KIF5C: variants seen among roughly 807,000 people sequenced by gnomAD.
KIF5C encodes kinesin family member 5C.
In KIF5C, 18 loss-of-function variants were observed where a neutral mutation model predicts 125.2. The ratio of observed to expected loss-of-function variants is 0.14; its 90% CI spans 0.10 to 0.21. The LOEUF is 0.21. KIF5C is among the 10% of genes least tolerant of loss of function. The pLI is 1.00. For synonymous variants in KIF5C, 405 were observed against 434.0 expected (o/e 0.93, Z 0.83); for missense variants, 780 against 1,183.8 (o/e 0.66, Z 5.01).
At chr2:148,967,213 G>A (rs950768738) in intron 11 of KIF5C, among the ~76,000 whole-genome samples, 1 of 152,212 alleles carries the variant, frequency 6.6e-6, no homozygotes, top group African/African-American at 2.4e-5. Context: ...GTTCCCCAGG[G>A]TGCTAGTTAG....
At chr2:148,950,177 GC>G (rs778298275) in intron 9 of KIF5C, 136 bp from the exon 10 acceptor site, 1 of 1,422,096 alleles carries the variant, frequency 7.0e-7, no homozygotes, top group Non-Finnish European at 9.3e-7. Flanking sequence ...CTAAACTTTG[GC>G]AAGATCCAAA....
rs73966640 is a variant in KIF5C, at chr2:148,909,386, C to G, written c.127-12751C>G. The stretch of plus-strand genomic sequence containing the variant: ...GCCATCCTCCTTGACCCGCATATCA[C>G]AACACTCAGAGGAGTCATCTTTGTT... On this transcript the variant is annotated intron_variant, in intron 1 of 25. Coordinates refer to ENST00000435030, the MANE Select transcript of KIF5C (RefSeq NM_004522.3). Among the ~76,000 whole-genome samples the G allele has an allele frequency of 6.1e-3, 927 of 152,328 alleles. 3 individuals carry two copies. The highest frequency in any genetic ancestry group is 0.021 in the African/African-American group (881 of 41,570).
chr2:148,950,262 G>A lies in KIF5C; in HGVS notation c.820-52G>A, dbSNP rs1452384192. ...TCATCCCTGACTTGCTTGCCTCTGTGTTTTTCTCAGAATGGGCTGTCAAAA... is the reference window on the plus strand; with the variant it reads ...TCATCCCTGACTTGCTTGCCTCTGTATTTTTCTCAGAATGGGCTGTCAAAA... On this transcript the variant is annotated intron_variant, in intron 9 of 25. Coordinates refer to ENST00000435030, the MANE Select transcript of KIF5C (RefSeq NM_004522.3). The A allele has an allele frequency of 2.5e-6, 4 of 1,587,930 alleles. No individual in the cohort carries two copies. In the African/African-American group the frequency reaches 5.4e-5, roughly 21 times the overall value.
chr2:148,875,945 G>T (rs1009549757), intron 1 of KIF5C, among the ~76,000 whole-genome samples: 2 of 151,746 alleles, frequency 1.3e-5, no homozygotes, highest in Non-Finnish European at 3.0e-5. Flanking sequence ...CGGGAGCGGC[G>T]GGCCGGGCGG....
intron 1 of KIF5C, among the ~76,000 whole-genome samples, chr2:148,890,330 C>T (rs1048253525): frequency 6.6e-6 from 1 of 152,120 alleles, no homozygotes; most frequent in African/African-American, 2.4e-5. Flanking sequence ...AAGACCCTGC[C>T]TCTACAGAAT....
chr2:149,022,596 C>G (rs934039382), intron 25 of KIF5C, among the ~76,000 whole-genome samples: 1 of 152,082 alleles, frequency 6.6e-6, no homozygotes. Context: ...TTTCTTTTCA[C>G]TTTTTAATGT....
intron 10 of KIF5C, 34 bp downstream of exon 10, chr2:148,950,496 C>T (rs767415945): frequency 1.3e-5 from 21 of 1,600,880 alleles, no homozygotes; most frequent in Admixed American, 1.7e-5. Flanking sequence ...ATCCTCTGTG[C>T]TAGGTCTTGG....
At chr2:148,997,464 G>T in intron 18 of KIF5C, 124 bp downstream of exon 18, 1 of 1,516,948 alleles carries the variant, frequency 6.6e-7, no homozygotes, top group Admixed American at 2.0e-5. Context: ...GGGAGGGGCT[G>T]TTGTTGGGCA....
At chr2:148,947,399 C>T (rs571556042) in intron 8 of KIF5C, 13 of 196,928 alleles carry the variant, frequency 6.6e-5, no homozygotes, top group African/African-American at 1.2e-4. Flanking sequence ...AGGCCAGGAA[C>T]GAGCTTTGCC....
At chr2:148,930,154 A>G (rs1469671108) in intron 3 of KIF5C, among the ~76,000 whole-genome samples, 1 of 152,128 alleles carries the variant, frequency 6.6e-6, no homozygotes, top group African/African-American at 2.4e-5. Flanking sequence ...CACTGGGGTG[A>G]AGACGAACTT....
At chr2:149,005,034 T>TA (rs139232257) in intron 21 of KIF5C, among the ~76,000 whole-genome samples, 113 of 151,902 alleles carry the variant, frequency 7.4e-4, no homozygotes, top group Middle Eastern at 3.4e-3. Flanking sequence ...ATTTACATAA[T>TA]AAAAAAAAGA....
chr2:149,009,990 C>T, intron 23 of KIF5C, 145 bp from the exon 24 acceptor site: 1 of 1,341,308 alleles, frequency 7.5e-7, no homozygotes, highest in Non-Finnish European at 9.9e-7. Context: ...TCTGAGTTTT[C>T]CTTTCCTTTC....
In KIF5C at chr2:149,011,675, A is replaced by G. The variant is rs1196462022; in HGVS notation, c.2873A>G (p.Ter958=). 1.9e-6 allele frequency: 3 copies of G among 1,613,952 alleles called. No individual in the cohort carries two copies. The highest frequency in any genetic ancestry group is 2.2e-5 in the East Asian group (1 of 44,900). ...TCAAATTCCACTCACTACCAGAAAT[A>G]AATACAAAGTGAGTCCCATGTCAAG... is the stretch of plus-strand genomic sequence containing the variant. ...SSSNSTHYQK[*] The change falls in exon 25 of 26, where the codon TAA becomes TGA. Residue 958 remains the stop codon, a stop_retained_variant. Transcript: ENST00000435030.
At chr2:148,981,634 C>T in intron 14 of KIF5C, 73 bp downstream of exon 14, 1 of 1,489,190 alleles carries the variant, frequency 6.7e-7, no homozygotes, top group Non-Finnish European at 9.0e-7. Flanking sequence ...TATTCATTGA[C>T]AGACATGGTA....
chr2:148,942,108 C>A, intron 6 of KIF5C, 118 bp downstream of exon 6: 1 of 1,132,188 alleles, frequency 8.8e-7, no homozygotes, highest in Non-Finnish European at 1.2e-6. Context: ...TTTATTCAGG[C>A]TCCTTATATT....
At chr2:149,007,384 A>G (rs866075549) in intron 22 of KIF5C, among the ~76,000 whole-genome samples, 1 of 152,242 alleles carries the variant, frequency 6.6e-6, no homozygotes, top group Admixed American at 6.5e-5. Flanking sequence ...TGTTTTGCCA[A>G]TTTCAAGATC....
intron 10 of KIF5C, among the ~76,000 whole-genome samples, chr2:148,954,892 A>G (rs1054900919): frequency 1.3e-5 from 2 of 152,150 alleles, no homozygotes; most frequent in African/African-American, 2.4e-5. Context: ...CTTTGACATG[A>G]AAGAAAAAAA....
chr2:148,995,274 C>T (rs1681634119), intron 17 of KIF5C, among the ~76,000 whole-genome samples: 1 of 152,228 alleles, frequency 6.6e-6, no homozygotes, highest in Non-Finnish European at 1.5e-5. Flanking sequence ...AATTCACATT[C>T]TCTCTCTGTC....
intron 1 of KIF5C, among the ~76,000 whole-genome samples, chr2:148,893,241 T>C (rs1422130509): frequency 1.3e-5 from 2 of 152,262 alleles, no homozygotes; most frequent in Non-Finnish European, 2.9e-5. Context: ...CTTTGGTCTC[T>C]TTTGAACACT....
Sources: allele counts gnomAD v4.1 joint callset (sites outside exome capture counted in the v4.1 genomes callset), GRCh38; gene constraint gnomAD v4.1.1; transcripts MANE v1.5; gene names NCBI Gene and HGNC (gene_info 2026-07-23, HGNC 2026-07-21).